ZNF469: variants seen among roughly 807,000 people sequenced by gnomAD.
The protein encoded by ZNF469 is zinc finger protein 469.
Under a neutral mutation model 1.0 loss-of-function variants are expected in ZNF469, and 1 was observed. The observed-to-expected ratio is 1.00, with a 90% CI of 0.35 to 4.73. The LOEUF is 4.73. Among genes scored for constraint, ZNF469 ranks in the 30% most tolerant of loss-of-function variants. The pLI is 0.16. For synonymous variants in ZNF469, 2,703 were observed against 2,363.4 expected (o/e 1.14, Z -4.17); for missense variants, 6,100 against 5,356.3 (o/e 1.14, Z -4.33).
the ZNF469 span, among the ~76,000 whole-genome samples, chr16:88,140,551 C>T: frequency 0.068 from 10,254 of 151,060 alleles, 1,154 homozygotes; most frequent in African/African-American, 0.24. Context: ...TGCAGAAAAG[C>T]CGGGGGCCTT....
chr16:88,334,943 A>G, the ZNF469 span, among the ~76,000 whole-genome samples: 2 of 151,272 alleles, frequency 1.3e-5, no homozygotes, highest in Non-Finnish European at 2.9e-5. Flanking sequence ...GAAGATGCCA[A>G]CGGAAGGACA....
At chr16:88,104,627 G>T in the ZNF469 span, among the ~76,000 whole-genome samples, 1 of 152,244 alleles carries the variant, frequency 6.6e-6, no homozygotes, top group African/African-American at 2.4e-5. Context: ...CACATTCCGG[G>T]GGCCTGTCCA....
chr16:88,183,443 C>T, the ZNF469 span, among the ~76,000 whole-genome samples: 4 of 152,254 alleles, frequency 2.6e-5, no homozygotes, highest in African/African-American at 9.6e-5. Flanking sequence ...CCACAACCTA[C>T]AGCTCAGCAG....
chr16:88,220,712 G>C, the ZNF469 span, among the ~76,000 whole-genome samples: 1 of 152,064 alleles, frequency 6.6e-6, no homozygotes, highest in Non-Finnish European at 1.5e-5. Context: ...GCCCAAACAG[G>C]AACCTGAGTC....
intron 1 of ZNF469, among the ~76,000 whole-genome samples, chr16:88,403,474 G>A (rs545360082): frequency 4.8e-4 from 73 of 151,202 alleles, no homozygotes; most frequent in African/African-American, 1.6e-3. Context: ...CCGCCATCTC[G>A]GGAGCAGCTG....
At chr16:88,223,441 C>T in the ZNF469 span, among the ~76,000 whole-genome samples, 6 of 152,148 alleles carry the variant, frequency 3.9e-5, no homozygotes, top group South Asian at 2.1e-4. Context: ...TCTTAATCAG[C>T]GGCATGAAGA....
In ZNF469 at chr16:88,437,083, G is replaced by T. The variant is rs1187241888; in HGVS notation, c.9613G>T (p.Gly3205Trp). 1.3e-6 allele frequency: 2 copies of T among 1,543,864 alleles called. No homozygotes were observed. Among genetic ancestry groups the T allele is most frequent in the Non-Finnish European group, 1.7e-6 (2 of 1,145,366 alleles). Residue 3205 changes from glycine to tryptophan, a missense_variant, in exon 3 of 3, where the codon GGG (glycine) becomes TGG (tryptophan). Coordinates refer to ENST00000565624, the MANE Select transcript of ZNF469 (RefSeq NM_001367624.2). ...REHAVRFARR[G>W]QARRSLGDLP... ...GCACGCGGTCCGCTTCGCCCGCAGG[G>T]GGCAGGCGCGGAGGTCCTTGGGGGA...
chr16:88,341,852 G>A, the ZNF469 span, among the ~76,000 whole-genome samples: 4 of 152,158 alleles, frequency 2.6e-5, no homozygotes, highest in Non-Finnish European at 4.4e-5. Context: ...GGGGACCAAG[G>A]TCATGATGGG....
chr16:88,358,406 C>A, the ZNF469 span, among the ~76,000 whole-genome samples: 2 of 152,166 alleles, frequency 1.3e-5, no homozygotes, highest in Admixed American at 6.5e-5. Flanking sequence ...ATTGCAGGAT[C>A]ATTTATGTAC....
Position 88,424,112 on chromosome 16 carries a change from A to G in ZNF469, c.-191-695A>G, listed in dbSNP as rs1905599654. ...CACAGGCTGTCGCCATGTGGTGACCATTGCTGTATTGTTTCTAAGGGCCGA... is the reference window on the plus strand; with the variant it reads ...CACAGGCTGTCGCCATGTGGTGACCGTTGCTGTATTGTTTCTAAGGGCCGA... On this transcript the variant is annotated intron_variant, in intron 1 of 2. Transcript: ENST00000565624. This position sits in a 1 kb window ranked among gnomAD's most constrained non-coding sequence, Gnocchi z 4.3. 6.6e-6 allele frequency among the ~76,000 whole-genome samples: 1 copy of G among 152,232 alleles called. No individual in the cohort carries two copies. Among genetic ancestry groups the G allele is most frequent in the Non-Finnish European group, 1.5e-5 (1 of 68,038 alleles).
the ZNF469 span, among the ~76,000 whole-genome samples, chr16:88,102,515 AAAAC>A: frequency 6.6e-6 from 1 of 152,224 alleles, no homozygotes; most frequent in Non-Finnish European, 1.5e-5. Flanking sequence ...AAAACAAAAC[AAAAC>A]AAACAAAAAC....
At chr16:88,352,717 T>C in the ZNF469 span, among the ~76,000 whole-genome samples, 1 of 152,202 alleles carries the variant, frequency 6.6e-6, no homozygotes, top group Non-Finnish European at 1.5e-5. Context: ...GTGGAAGATT[T>C]CGAGGCTACA....
the ZNF469 span, among the ~76,000 whole-genome samples, chr16:88,280,533 C>G: frequency 2.8e-5 from 4 of 142,280 alleles, no homozygotes; most frequent in Non-Finnish European, 6.1e-5. Context: ...TGTCAGCACA[C>G]GGGTTGGTGC....
chr16:88,285,237 C>T, the ZNF469 span, among the ~76,000 whole-genome samples: 2 of 152,270 alleles, frequency 1.3e-5, no homozygotes, highest in Non-Finnish European at 2.9e-5. Flanking sequence ...GCAGCATCAG[C>T]CCCGCCTCCC....
rs767983355 is a variant in ZNF469, at chr16:88,434,443, G to A, written c.6973G>A (p.Gly2325Ser). 6.5e-7 allele frequency: 1 copy of A among 1,549,722 alleles called. No individual in the cohort carries two copies. Among genetic ancestry groups the A allele is most frequent in the South Asian group, 1.2e-5 (1 of 84,062 alleles). ...CACCAACCCTGACAGGATGCCCAGG[G>A]GCCACTCCTCGTATTCTCCAAGCAA... ...PHTNPDRMPR[G>S]HSSYSPSNTA... The change falls in exon 3 of 3, where the codon GGC becomes AGC. Residue 2325 changes from glycine to serine, a missense_variant. Transcript: ENST00000565624.
Position 88,435,346 on chromosome 16 carries a change from C to T in ZNF469, c.7876C>T (p.His2626Tyr). 6.5e-7 allele frequency: 1 copy of T among 1,550,356 alleles called. No individual in the cohort carries two copies. Among genetic ancestry groups the T allele is most frequent in the Non-Finnish European group, 8.7e-7 (1 of 1,146,986 alleles). ...AGAGCCCACCGTGGACTCTCCTAGC[C>T]ACTCAGAGGGGAAGTCAAATAAGAA... is the stretch of plus-strand genomic sequence containing the variant. ...RREPTVDSPS[H>Y]SEGKSNKKRG... The change falls in exon 3 of 3, where the codon CAC becomes TAC. Residue 2626 changes from histidine to tyrosine, a missense_variant. Transcript: ENST00000565624.
the ZNF469 span, among the ~76,000 whole-genome samples, chr16:88,117,686 G>T: frequency 4.0e-5 from 6 of 151,448 alleles, no homozygotes; most frequent in Non-Finnish European, 8.8e-5. Flanking sequence ...ACGTGTCTTC[G>T]GGGACCGTGG....
At chr16:88,303,166 G>T in the ZNF469 span, among the ~76,000 whole-genome samples, 1 of 152,176 alleles carries the variant, frequency 6.6e-6, no homozygotes, top group Non-Finnish European at 1.5e-5. Flanking sequence ...TTGTGTCTGA[G>T]GATTTGGTGT....
chr16:88,310,892 C>T, the ZNF469 span, among the ~76,000 whole-genome samples: 1 of 152,194 alleles, frequency 6.6e-6, no homozygotes, highest in African/African-American at 2.4e-5. Flanking sequence ...CTGCGCCCAA[C>T]TGTCCACATC....
Sources: gnomAD v4.1 joint callset for allele counts (sites outside exome capture counted in the v4.1 genomes callset) on GRCh38, gnomAD v4.1.1 for gene constraint, Gnocchi (gnomAD v3.1) non-coding constraint, MANE v1.5 for transcripts, NCBI Gene and HGNC (gene_info 2026-07-23, HGNC 2026-07-21) for gene names.